The following SHISAL1 variants were observed in gnomAD, a reference collection of about 807,000 sequenced individuals.
SHISAL1 encodes protein shisa-like-1.
SHISAL1 carries 9 observed loss-of-function variants against 22.6 expected under a neutral mutation model. The observed-to-expected ratio is 0.40, with a 90% CI of 0.24 to 0.70. The LOEUF (loss-of-function observed/expected upper bound fraction) is 0.70. Ranked by LOEUF, SHISAL1 falls within the 30% of genes least tolerant of loss-of-function variation. SHISAL1 has a pLI of 0.39. For missense variants in SHISAL1, 246 were observed against 270.6 expected (o/e 0.91, Z 0.64); for synonymous variants, 119 against 115.4 (o/e 1.03, Z -0.20).
At chr22:44,287,427 C>A (rs1031528521) in intron 3 of SHISAL1, among the ~76,000 whole-genome samples, 3 of 152,208 alleles carry the variant, frequency 2.0e-5, no homozygotes, top group African/African-American at 7.2e-5. Context: ...CTGGGAGCTC[C>A]TGGCTGGGAG....
chr22:44,331,700 C>G, the SHISAL1 span, among the ~76,000 whole-genome samples: 1 of 147,502 alleles, frequency 6.8e-6, no homozygotes, highest in Non-Finnish European at 1.5e-5. This position sits in a 1 kb window ranked among gnomAD's most constrained non-coding sequence, Gnocchi z 5.2. Context: ...CTAGGCGCGC[C>G]GGGCGCGGCG....
chr22:44,272,922 T>C (rs1351902881), intron 4 of SHISAL1, among the ~76,000 whole-genome samples: 1 of 152,106 alleles, frequency 6.6e-6, no homozygotes, highest in East Asian at 1.9e-4. Flanking sequence ...GTGGCAAAAC[T>C]CTGTCTCTAC....
At chr22:44,329,858 T>G in the SHISAL1 span, among the ~76,000 whole-genome samples, 1 of 152,184 alleles carries the variant, frequency 6.6e-6, no homozygotes, top group Admixed American at 6.5e-5. Context: ...ATGACACTTC[T>G]CACCGAAGCT....
chr22:44,328,784 C>T, the SHISAL1 span, among the ~76,000 whole-genome samples: 22 of 152,160 alleles, frequency 1.4e-4, no homozygotes, highest in East Asian at 3.3e-3. Flanking sequence ...CTCCTCCCTG[C>T]CCCACCCTGC....
intron 4 of SHISAL1, among the ~76,000 whole-genome samples, chr22:44,269,655 CAAT>C (rs2055193022): frequency 1.3e-5 from 2 of 151,400 alleles, no homozygotes; most frequent in East Asian, 1.9e-4. Flanking sequence ...AACACACACA[CAAT>C]GTCACATAGA....
At chr22:44,263,079 C>CTTTCTTTTTTTTTTTTTTTTTTTTTTTTT (rs55901041) in intron 4 of SHISAL1, among the ~76,000 whole-genome samples, 1 of 88,252 alleles carries the variant, frequency 1.1e-5, no homozygotes, top group Non-Finnish European at 2.2e-5. Context: ...TTCTTTCTTT[C>CTTTCTTTTTTTTTTTTTTTTTTTTTTTTT]TTTTTTTTTT....
upstream of SHISAL1, among the ~76,000 whole-genome samples, chr22:44,316,087 A>G (rs939295665): frequency 6.6e-5 from 10 of 152,168 alleles, no homozygotes; most frequent in Non-Finnish European, 1.2e-4. Flanking sequence ...CTGCAACAGG[A>G]CATGTCATTC....
chr22:44,275,830 G>A (rs1183551517), intron 4 of SHISAL1, among the ~76,000 whole-genome samples: 1 of 152,210 alleles, frequency 6.6e-6, no homozygotes, highest in African/African-American at 2.4e-5. Flanking sequence ...GCTTAGCTCA[G>A]CAAGTCCTCA....
chr22:44,300,477 C>T (rs1322024597), intron 2 of SHISAL1, among the ~76,000 whole-genome samples: 6 of 152,228 alleles, frequency 3.9e-5, no homozygotes, highest in Admixed American at 1.3e-4. Flanking sequence ...GGCTAGAATC[C>T]GCTAACTGCC....
chr22:44,308,279 C>G (rs2055493324), intron 1 of SHISAL1, among the ~76,000 whole-genome samples: 1 of 152,234 alleles, frequency 6.6e-6, no homozygotes, highest in Non-Finnish European at 1.5e-5. Flanking sequence ...TCTGCCTCTT[C>G]CATCAACCCA....
intron 4 of SHISAL1, 93 bp from the exon 5 acceptor site, chr22:44,249,778 C>T: frequency 2.6e-6 from 2 of 759,596 alleles, no homozygotes; most frequent in Non-Finnish European, 4.9e-6. Flanking sequence ...GCCAGGTTTT[C>T]TCTGAGCATG....
chr22:44,277,423 T>C (rs550456458), intron 4 of SHISAL1, among the ~76,000 whole-genome samples: 2 of 152,096 alleles, frequency 1.3e-5, no homozygotes, highest in Non-Finnish European at 2.9e-5. Context: ...CAAGAGCCTT[T>C]GCTCCTAACT....
At chr22:44,331,358 C>T in the SHISAL1 span, among the ~76,000 whole-genome samples, 4 of 151,320 alleles carry the variant, frequency 2.6e-5, no homozygotes, top group South Asian at 2.1e-4. The surrounding 1 kb of genome is among the most constrained non-coding windows in gnomAD (Gnocchi z 5.2). Context: ...CGCCGCAGAC[C>T]CCGCCCCCCA....
chr22:44,301,107 T>TGCG, intron 1 of SHISAL1, 130 bp from the exon 2 acceptor site: 2 of 596,814 alleles, frequency 3.4e-6, no homozygotes, highest in South Asian at 2.1e-5. Flanking sequence ...AGGGGCCGGG[T>TGCG]GCGGACGATG....
chr22:44,331,630 G>A, the SHISAL1 span, among the ~76,000 whole-genome samples: 1 of 148,448 alleles, frequency 6.7e-6, no homozygotes, highest in Non-Finnish European at 1.5e-5. This position sits in a 1 kb window ranked among gnomAD's most constrained non-coding sequence, Gnocchi z 5.2. Flanking sequence ...CCGGGTTCTG[G>A]GGGCTGCGGG....
chr22:44,264,598 C>T (rs2055148783), intron 4 of SHISAL1, among the ~76,000 whole-genome samples: 1 of 152,122 alleles, frequency 6.6e-6, no homozygotes, highest in Non-Finnish European at 1.5e-5. Flanking sequence ...TGGGGCACCT[C>T]GGGCATGGCA....
chr22:44,271,149 C>A (rs1318492417), intron 4 of SHISAL1, among the ~76,000 whole-genome samples: 1 of 152,148 alleles, frequency 6.6e-6, no homozygotes, highest in Non-Finnish European at 1.5e-5. Context: ...CTCATTTACT[C>A]CCTGTGCCTA....
chr22:44,298,432 C>G (rs772837113), intron 2 of SHISAL1, among the ~76,000 whole-genome samples: 10 of 152,196 alleles, frequency 6.6e-5, no homozygotes, highest in Admixed American at 3.9e-4. Flanking sequence ...CGCCGTCTGT[C>G]CTGGCAAGCC....
chr22:44,309,134 C>G (rs1276328486), intron 1 of SHISAL1, among the ~76,000 whole-genome samples: 1 of 152,194 alleles, frequency 6.6e-6, no homozygotes, highest in Non-Finnish European at 1.5e-5. Context: ...CTCCTGACCC[C>G]ACTGGTCAGG....
Sources: allele counts gnomAD v4.1 joint callset (sites outside exome capture counted in the v4.1 genomes callset), GRCh38; gene constraint gnomAD v4.1.1; non-coding constraint Gnocchi (gnomAD v3.1); transcripts MANE v1.5; gene names NCBI Gene and HGNC (gene_info 2026-07-23, HGNC 2026-07-21).